Variants in DHRS4L2 observed in about 807,000 individuals in gnomAD.
DHRS4L2 encodes the protein dehydrogenase/reductase 4 like 2.
Under a neutral mutation model 23.9 loss-of-function variants are expected in DHRS4L2, and 22 were observed. The observed-to-expected ratio is 0.92, with a 90% CI of 0.66 to 1.31. The LOEUF (loss-of-function observed/expected upper bound fraction) is 1.31. Among genes scored for constraint, DHRS4L2 ranks in the 40% most tolerant of loss-of-function variants. The pLI is 0.00. For missense variants in DHRS4L2, 385 were observed against 303.3 expected, an observed-to-expected ratio of 1.27 and a Z score of -2.00; for synonymous variants, 141 against 123.7, an observed-to-expected ratio of 1.14 and a Z score of -0.93.
upstream of DHRS4L2, among the ~76,000 whole-genome samples, chr14:23,985,594 C>T (rs1361626871): frequency 6.6e-6 from 1 of 151,682 alleles, no homozygotes; most frequent in African/African-American, 2.4e-5. Flanking sequence ...ATTTGTCCCT[C>T]AAGATAGGCA....
chr14:23,991,463 T>C (rs1410738270), intron 2 of DHRS4L2, among the ~76,000 whole-genome samples: 1 of 151,712 alleles, frequency 6.6e-6, no homozygotes, highest in African/African-American at 2.4e-5. Context: ...AAAATCCTCC[T>C]AGAAAAACAA....
chr14:23,993,008 T>C (rs372314271), intron 2 of DHRS4L2, among the ~76,000 whole-genome samples: 3 of 147,810 alleles, frequency 2.0e-5, no homozygotes, highest in Admixed American at 6.7e-5. Context: ...TTGCTGTCTC[T>C]GTTCAATCAA....
intron 1 of DHRS4L2, among the ~76,000 whole-genome samples, chr14:23,976,449 A>G (rs187821706): frequency 3.3e-5 from 5 of 152,016 alleles, no homozygotes; most frequent in South Asian, 2.1e-4. Context: ...AAAAGTCAGG[A>G]AACAATAGAA....
chr14:23,974,813 C>T (rs1323534012), intron 1 of DHRS4L2, among the ~76,000 whole-genome samples: 9 of 151,780 alleles, frequency 5.9e-5, no homozygotes, highest in Admixed American at 5.2e-4. Context: ...CGAATTCTAC[C>T]AGAGGTACAA....
At chr14:23,992,851 A>AT (rs2034297933) in intron 2 of DHRS4L2, among the ~76,000 whole-genome samples, 1 of 145,796 alleles carries the variant, frequency 6.9e-6, no homozygotes, top group Non-Finnish European at 1.5e-5. Flanking sequence ...ACACCAGTTC[A>AT]TTTTTTAAAT....
At chr14:23,995,485 TC>T (rs1381127412) in intron 3 of DHRS4L2, among the ~76,000 whole-genome samples, 2 of 151,848 alleles carry the variant, frequency 1.3e-5, no homozygotes, top group African/African-American at 4.8e-5. Context: ...CACCCACCTG[TC>T]CTCTTTTCAG....
chr14:23,969,902 G>C, exon 1 of DHRS4L2: 1 of 433,090 alleles, frequency 2.3e-6, no homozygotes, highest in Admixed American at 2.5e-5. Flanking sequence ...CTCCGGGCCG[G>C]CGTGGGAGCC....
intron 1 of DHRS4L2, among the ~76,000 whole-genome samples, chr14:23,977,516 A>T (rs1187152838): frequency 6.7e-6 from 1 of 150,104 alleles, no homozygotes; most frequent in African/African-American, 2.5e-5. Context: ...AGGTAAATTC[A>T]CTTTACGGGG....
chr14:23,980,970 G>C (rs1417094616), intron 1 of DHRS4L2, among the ~76,000 whole-genome samples: 3 of 151,684 alleles, frequency 2.0e-5, no homozygotes, highest in Non-Finnish European at 2.9e-5. Flanking sequence ...ACTCAGGCAA[G>C]AGGAAGAAAT....
chr14:23,993,847 C>T lies in DHRS4L2; in HGVS notation c.307-1185C>T, dbSNP rs1594469494. Among the ~76,000 whole-genome samples, 6 of 151,754 alleles carry T rather than the reference C, an allele frequency of 4.0e-5. 1 individual carries two copies. In the Middle Eastern group the frequency reaches 0.02, roughly 516 times the overall value. ...ATGGCTCTCCTGGGCAGCTGGTTTA[C>T]TAATGACCCCAACTCACTTTCAGAG... is the stretch of plus-strand genomic sequence containing the variant. On this transcript the variant is annotated intron_variant, in intron 2 of 7. Transcript: ENST00000335125.
chr14:23,995,318 C>T (rs2034359130), intron 3 of DHRS4L2, among the ~76,000 whole-genome samples, 185 bp downstream of exon 3: 2 of 151,704 alleles, frequency 1.3e-5, no homozygotes, highest in East Asian at 1.9e-4. Context: ...CCTTCTCATT[C>T]GTTTCTGCTG....
Position 24,000,872 on chromosome 14 carries a change from A to G in DHRS4L2, c.418A>G (p.Ile140Val). ...CTTCTCTTGGCTTCAGACTCTGGAC[A>G]TTAATGTGAAGGCCCCAGCCCTGAT... ...TEEVWDKTLDINVKAPALMTK... is the reference protein window; with the variant it reads ...TEEVWDKTLDVNVKAPALMTK... The change falls in exon 4 of 8, where the codon ATT (isoleucine) becomes GTT (valine). Residue 140 changes from isoleucine (I) to valine (V), a missense_variant. Coordinates refer to ENST00000335125, the MANE Select transcript of DHRS4L2 (RefSeq NM_198083.4). The G allele has an allele frequency of 6.2e-7, 1 of 1,609,834 alleles. No individual in the cohort carries two copies. Among genetic ancestry groups the G allele is most frequent in the Non-Finnish European group, 8.5e-7 (1 of 1,178,226 alleles).
At chr14:24,005,864 C>T (rs1332979471) in intron 7 of DHRS4L2, 22 bp from the exon 8 acceptor site, 1 of 1,609,282 alleles carries the variant, frequency 6.2e-7, no homozygotes, top group African/African-American at 1.3e-5. Context: ...TTACCTCCTT[C>T]CTTGCTTCCC....
intron 1 of DHRS4L2, among the ~76,000 whole-genome samples, chr14:23,981,407 C>T (rs1303738435): frequency 6.6e-6 from 1 of 151,492 alleles, no homozygotes; most frequent in Non-Finnish European, 1.5e-5. Flanking sequence ...CAGTGCTATC[C>T]CCATCAAGCT....
At chr14:23,986,024 A>T (rs1169196478), upstream of DHRS4L2, among the ~76,000 whole-genome samples, 1 of 151,330 alleles carries the variant, frequency 6.6e-6, no homozygotes, top group Non-Finnish European at 1.5e-5. Context: ...CACCCGGCTC[A>T]TTTTTTTATT....
chr14:23,981,060 A>C (rs1289584369), intron 1 of DHRS4L2, among the ~76,000 whole-genome samples: 1 of 151,846 alleles, frequency 6.6e-6, no homozygotes, highest in Non-Finnish European at 1.5e-5. Context: ...AGAAAACGCC[A>C]TCATCTCAGC....
intron 1 of DHRS4L2, among the ~76,000 whole-genome samples, chr14:23,974,382 A>G (rs2138505975): frequency 6.6e-6 from 1 of 151,856 alleles, no homozygotes; most frequent in South Asian, 2.1e-4. Context: ...AGCAGAAGAC[A>G]ACAAATAATG....
chr14:23,991,271 G>A, intron 2 of DHRS4L2, among the ~76,000 whole-genome samples: 1 of 151,736 alleles, frequency 6.6e-6, no homozygotes, highest in Non-Finnish European at 1.5e-5. Context: ...ACACTCAAAT[G>A]TGCATTGGAA....
intron 3 of DHRS4L2, among the ~76,000 whole-genome samples, chr14:23,996,860 C>A (rs2034393370): frequency 6.6e-6 from 1 of 151,934 alleles, no homozygotes; most frequent in South Asian, 2.1e-4. Flanking sequence ...GTCTCAAATT[C>A]CTGGCCTCAA....
Sources: allele counts gnomAD v4.1 joint callset (sites outside exome capture counted in the v4.1 genomes callset), GRCh38; gene constraint gnomAD v4.1.1; transcripts MANE v1.5; gene names NCBI Gene and HGNC (gene_info 2026-07-23, HGNC 2026-07-21).